Variants in ZNF2 observed in about 807,000 individuals in gnomAD.
ZNF2 encodes zinc finger protein 2.2.
Under a neutral mutation model 21.9 loss-of-function variants are expected in ZNF2, and 12 were observed. The observed-to-expected ratio is 0.55, with a 90% CI of 0.35 to 0.89. The LOEUF is 0.89. ZNF2 is among the 40% of genes least tolerant of loss of function. The probability of loss-of-function intolerance (pLI) is 0.01; values close to 1 mark genes in which losing one functional copy is unlikely to be tolerated. For missense variants in ZNF2, 462 were observed against 544.2 expected (o/e 0.85, Z 1.50); for synonymous variants, 186 against 196.3 (o/e 0.95, Z 0.44).
intron 1 of ZNF2, among the ~76,000 whole-genome samples, chr2:95,170,553 C>G (rs574419473): frequency 6.6e-6 from 1 of 152,286 alleles, no homozygotes; most frequent in South Asian, 2.1e-4. Context: ...TAGACTAGAA[C>G]AGAAAATCCC....
intron 1 of ZNF2, among the ~76,000 whole-genome samples, chr2:95,174,806 T>C (rs1336495863): frequency 6.6e-6 from 1 of 152,218 alleles, no homozygotes; most frequent in East Asian, 1.9e-4. Flanking sequence ...ACAAAGACAG[T>C]GTCTGACAGT....
At position 95,182,047 on chromosome 2, in the gene ZNF2, A is replaced by C. The variant is rs773224130; in HGVS notation, c.1219A>C (p.Ser407Arg). 6.2e-7 allele frequency: 1 copy of C among 1,613,296 alleles called. No homozygotes were observed. Among genetic ancestry groups the C allele is most frequent in the Non-Finnish European group, 8.5e-7 (1 of 1,179,430 alleles). Residue 407 changes from serine to arginine, a missense_variant, in exon 5 of 5, where the codon AGT (serine) becomes CGT (arginine). Ser to Arg is a moderately radical substitution (Grantham distance 110, BLOSUM62 -1). Coordinates refer to ENST00000614034, the MANE Select transcript of ZNF2 (RefSeq NM_021088.4). Reference sequence around the variant, plus strand: ...ATGCACTGTGTGTGGGAAAGTTTTCAGTTCAAAATCTTCTGTTATTCAACA... The same window carrying C: ...ATGCACTGTGTGTGGGAAAGTTTTCCGTTCAAAATCTTCTGTTATTCAACA... ...FECTVCGKVFSSKSSVIQHQR... is the reference protein window; with the variant it reads ...FECTVCGKVFRSKSSVIQHQR...
chr2:95,169,049 CAG>C (rs1194969162), intron 1 of ZNF2, among the ~76,000 whole-genome samples: 1 of 152,196 alleles, frequency 6.6e-6, no homozygotes, highest in African/African-American at 2.4e-5. Flanking sequence ...AAAGAGAACA[CAG>C]AAGTGGAGGT....
At position 95,182,807 on chromosome 2, in the gene ZNF2, A is replaced by G. The variant is rs573650023; in HGVS notation, c.*701A>G. On this transcript the variant is annotated 3_prime_UTR_variant, in exon 5 of 5. Coordinates refer to ENST00000614034, the MANE Select transcript of ZNF2 (RefSeq NM_021088.4). ...GAAGACAGGTCCACCTTCAAAATCT[A>G]TTCTCTTTACCATTATGCTCGATGG... is the stretch of plus-strand genomic sequence containing the variant. The G allele has an allele frequency of 2.6e-5, 4 of 152,612 alleles. No homozygotes were observed. The East Asian group carries it at 7.7e-4, about 29-fold the overall frequency. 9.5% of individuals were successfully genotyped at this position (152,612 alleles called of 1,614,324 possible).
At chr2:95,177,647 A>G in intron 3 of ZNF2, 38 bp downstream of exon 3, 2 of 1,588,618 alleles carry the variant, frequency 1.3e-6, no homozygotes, top group South Asian at 1.1e-5. Flanking sequence ...AGTCTGTACT[A>G]TGCTAATGTG....
chr2:95,171,830 A>G (rs1674282431), intron 1 of ZNF2, among the ~76,000 whole-genome samples: 1 of 152,176 alleles, frequency 6.6e-6, no homozygotes, highest in Non-Finnish European at 1.5e-5. Context: ...ATCACACCAC[A>G]GCCACTCAGT....
chr2:95,168,040 A>G (rs1471581612), intron 1 of ZNF2, among the ~76,000 whole-genome samples: 1 of 151,908 alleles, frequency 6.6e-6, no homozygotes, highest in Non-Finnish European at 1.5e-5. Context: ...CATGGGATTC[A>G]GTGAAAATAG....
rs765121831 is a variant in ZNF2 at position 95,181,428 on chromosome 2, C to G, written c.600C>G (p.Pro200=). Residue 200 remains proline (P), a synonymous_variant, in exon 5 of 5, where the codon CCC becomes CCG. Transcript: ENST00000614034. ...AGAGGACTCACACTGGGGAGAAGCC[C>G]TACGACTGCCGCGAGTGTGGGAAAG... is the stretch of plus-strand genomic sequence containing the variant. The part of the protein sequence containing the change: ...RHQRTHTGEK[P]YDCRECGKAF... 1.3e-5 allele frequency: 21 copies of G among 1,614,054 alleles called. No homozygotes were observed. Among genetic ancestry groups the G allele is most frequent in the South Asian group, 4.4e-5 (4 of 91,090 alleles).
chr2:95,172,108 G>C (rs971831944), intron 1 of ZNF2, among the ~76,000 whole-genome samples: 1 of 152,192 alleles, frequency 6.6e-6, no homozygotes, highest in South Asian at 2.1e-4. Context: ...CAAGTGTGAT[G>C]TCTCTGCTCA....
chr2:95,181,533 A>G lies in ZNF2; in HGVS notation c.705A>G (p.Ser235=). ...GCCCCTACGAGTGCAGTGTGTGCTC[A>G]AAAGCCTTCTTTGACCGTTCGTCCC... The part of the protein sequence containing the change: ...GESPYECSVC[S]KAFFDRSSLT... The change falls in exon 5 of 5, where the codon TCA becomes TCG. Residue 235 remains serine, a synonymous_variant. Transcript: ENST00000614034. 1.2e-6 allele frequency: 2 copies of G among 1,614,176 alleles called. No homozygotes were observed. Among genetic ancestry groups the G allele is most frequent in the Non-Finnish European group, 1.7e-6 (2 of 1,180,038 alleles).
Position 95,182,197 on chromosome 2 carries a change from C to G in ZNF2, c.*91C>G. On this transcript the variant is annotated 3_prime_UTR_variant, in exon 5 of 5. Transcript: ENST00000614034. Reference sequence around the variant, plus strand: ...AAAGCTGCCATTTGCTCATTCTACCCACTCTGGCTGCCGTTGTCCTGTCCT... The same window carrying G: ...AAAGCTGCCATTTGCTCATTCTACCGACTCTGGCTGCCGTTGTCCTGTCCT... The G allele has an allele frequency of 1.4e-6, 2 of 1,476,558 alleles. No individual in the cohort carries two copies. Among genetic ancestry groups the G allele is most frequent in the South Asian group, 1.4e-5 (1 of 73,550 alleles). 91.5% of individuals were successfully genotyped at this position (1,476,558 alleles called of 1,614,324 possible). A position where few individuals can be genotyped will look rare whatever the true frequency, so the allele number is the denominator to read the frequency against.
At chr2:95,179,417 G>C (rs1401683473) in intron 3 of ZNF2, among the ~76,000 whole-genome samples, 7 of 152,178 alleles carry the variant, frequency 4.6e-5, no homozygotes, top group Admixed American at 1.3e-4. Flanking sequence ...AATTTTCCTA[G>C]AATGCACCGG....
chr2:95,170,523 T>G (rs1331734722), intron 1 of ZNF2, among the ~76,000 whole-genome samples: 7 of 152,196 alleles, frequency 4.6e-5, no homozygotes, highest in African/African-American at 1.7e-4. Context: ...CATGAAAAGA[T>G]AGCATAGGTA....
chr2:95,178,004 C>G (rs1674507340), intron 3 of ZNF2, among the ~76,000 whole-genome samples: 1 of 152,194 alleles, frequency 6.6e-6, no homozygotes, highest in Non-Finnish European at 1.5e-5. Flanking sequence ...TTAGGTAACT[C>G]AGCTCACCCA....
chr2:95,182,589 A>G lies in ZNF2; in HGVS notation c.*483A>G, dbSNP rs1458672514. On this transcript the variant is annotated 3_prime_UTR_variant, in exon 5 of 5. Coordinates refer to ENST00000614034, the MANE Select transcript of ZNF2 (RefSeq NM_021088.4). ...CTTACTTCCACTGCTAGTAGCTAGC[A>G]CTTACTGAGCACCTGCGATGAGGTA... 1 of 157,344 alleles carries G rather than the reference A, an allele frequency of 6.4e-6. No individual in the cohort carries two copies. Among genetic ancestry groups the G allele is most frequent in the Non-Finnish European group, 1.4e-5 (1 of 71,086 alleles). 9.7% of individuals were successfully genotyped at this position (157,344 alleles called of 1,614,324 possible).
intron 1 of ZNF2, among the ~76,000 whole-genome samples, chr2:95,171,302 G>T (rs1674257968): frequency 6.6e-6 from 1 of 151,778 alleles, no homozygotes; most frequent in Non-Finnish European, 1.5e-5. Flanking sequence ...ATGCCGCATT[G>T]GTAACCCGGG....
chr2:95,177,463 G>A lies in ZNF2; in HGVS notation c.34-20G>A. On this transcript the variant is annotated intron_variant, in intron 2 of 4. Coordinates refer to ENST00000614034, the MANE Select transcript of ZNF2 (RefSeq NM_021088.4). ...AAAGAGAAGGATTAAGAGTAAGGGAGAATGTGATTGTATTTTCAGGAATCA... is the reference window on the plus strand; with the variant it reads ...AAAGAGAAGGATTAAGAGTAAGGGAAAATGTGATTGTATTTTCAGGAATCA... The A allele has an allele frequency of 1.9e-6, 3 of 1,612,438 alleles. No individual in the cohort carries two copies. Among genetic ancestry groups the A allele is most frequent in the Non-Finnish European group, 2.5e-6 (3 of 1,179,076 alleles).
chr2:95,168,922 T>C (rs1008372425), intron 1 of ZNF2, among the ~76,000 whole-genome samples: 1 of 152,194 alleles, frequency 6.6e-6, no homozygotes, highest in African/African-American at 2.4e-5. Context: ...GGAATAGCCA[T>C]GTAGCTAAGA....
At chr2:95,171,231 C>T (rs1187392849) in intron 1 of ZNF2, among the ~76,000 whole-genome samples, 3 of 152,088 alleles carry the variant, frequency 2.0e-5, no homozygotes, top group African/African-American at 4.8e-5. Context: ...CAAAACTGTA[C>T]TCATTGGTTT....
Sources: gnomAD v4.1 joint callset for allele counts (sites outside exome capture counted in the v4.1 genomes callset) on GRCh38, gnomAD v4.1.1 for gene constraint, MANE v1.5 for transcripts, NCBI Gene and HGNC (gene_info 2026-07-23, HGNC 2026-07-21) for gene names.